UBE3C: variants seen among roughly 807,000 people sequenced by gnomAD.
UBE3C encodes the protein ubiquitin protein ligase E3C, also known as ubiquitin-protein ligase E3C.
Under a neutral mutation model 129.4 loss-of-function variants are expected in UBE3C, and 42 were observed. That is an observed-to-expected ratio of 0.32 (90% confidence interval 0.25 to 0.42). UBE3C has a LOEUF of 0.42. Among genes scored for constraint, UBE3C ranks in the 10% least tolerant of loss-of-function variants. UBE3C has a pLI of 1.00. For missense variants in UBE3C, 1,049 were observed against 1,319.1 expected (o/e 0.80, Z 3.17); for synonymous variants, 510 against 492.4 (o/e 1.04, Z -0.47).
intron 10 of UBE3C, among the ~76,000 whole-genome samples, chr7:157,199,529 G>C (rs1031312073): frequency 1.3e-5 from 2 of 151,904 alleles, no homozygotes; most frequent in Non-Finnish European, 2.9e-5. Flanking sequence ...GGAGTGTAAT[G>C]GTGTGATCTC....
rs1348951640 is a variant in UBE3C, at chr7:157,139,249, C to T, written c.-24C>T. ...CCGGCTGCTTCCGCGGCGGCGCTGC[C>T]CGCACATGGGCTAGGCTGCCAGGAT... On this transcript the variant is annotated 5_prime_UTR_variant, in exon 1 of 23. Coordinates refer to ENST00000348165, the MANE Select transcript of UBE3C (RefSeq NM_014671.3). 2 of 1,494,912 alleles carry T rather than the reference C, an allele frequency of 1.3e-6. No individual in the cohort carries two copies. Among genetic ancestry groups the T allele is most frequent in the Non-Finnish European group, 1.8e-6 (2 of 1,122,526 alleles). The allele number at this position is 1,494,912 out of a possible 1,614,324, so 92.6% of individuals were successfully genotyped here. A position where few individuals can be genotyped will look rare whatever the true frequency, so the allele number is the denominator to read the frequency against.
intron 1 of UBE3C, among the ~76,000 whole-genome samples, chr7:157,141,050 C>G (rs1450849940): frequency 6.6e-6 from 1 of 152,106 alleles, no homozygotes; most frequent in Non-Finnish European, 1.5e-5. Flanking sequence ...GCCCTAATTG[C>G]GGCAGAGGGG....
intron 13 of UBE3C, among the ~76,000 whole-genome samples, chr7:157,213,354 G>A (rs920020954): frequency 6.6e-6 from 1 of 152,250 alleles, no homozygotes; most frequent in Non-Finnish European, 1.5e-5. Context: ...TTGAAAACTC[G>A]ACTGGCTCCA....
chr7:157,242,930 C>T (rs975465437), intron 18 of UBE3C, among the ~76,000 whole-genome samples: 3 of 152,030 alleles, frequency 2.0e-5, no homozygotes, highest in Non-Finnish European at 4.4e-5. Flanking sequence ...TGGTGGTTGC[C>T]TCTAATTCCA....
intron 5 of UBE3C, among the ~76,000 whole-genome samples, chr7:157,176,201 G>A (rs976243796): frequency 1.3e-5 from 2 of 152,326 alleles, no homozygotes; most frequent in East Asian, 1.9e-4. Context: ...GTTCGAGGCT[G>A]CAGTGAGCTG....
intron 17 of UBE3C, among the ~76,000 whole-genome samples, chr7:157,230,402 A>AC (rs1239324172): frequency 6.6e-6 from 1 of 151,804 alleles, no homozygotes; most frequent in Non-Finnish European, 1.5e-5. Flanking sequence ...TTTGAAAAAA[A>AC]AAAAAAATTA....
intron 5 of UBE3C, 140 bp from the exon 6 acceptor site, chr7:157,178,550 C>T (rs143691260): frequency 2.4e-6 from 2 of 828,490 alleles, no homozygotes; most frequent in African/African-American, 1.7e-5. Flanking sequence ...ATTTCCCTGT[C>T]TATCTGTAAG....
chr7:157,230,326 C>T (rs1282368664), intron 17 of UBE3C, among the ~76,000 whole-genome samples: 1 of 151,790 alleles, frequency 6.6e-6, no homozygotes, highest in East Asian at 1.9e-4. Context: ...CTTCCCTGAA[C>T]CACATTGGAA....
chr7:157,202,228 G>A (rs1196007495), intron 11 of UBE3C, among the ~76,000 whole-genome samples: 3 of 152,134 alleles, frequency 2.0e-5, no homozygotes, highest in Admixed American at 6.6e-5. Context: ...TATTTGAATC[G>A]TGTAATTTAA....
chr7:157,248,782 G>A (rs1163750188), intron 19 of UBE3C, among the ~76,000 whole-genome samples: 3 of 152,182 alleles, frequency 2.0e-5, no homozygotes, highest in Middle Eastern at 3.2e-3. Flanking sequence ...CTGCTCCCAC[G>A]CATGAAGCCT....
chr7:157,219,848 A>G (rs1586698222), intron 14 of UBE3C, among the ~76,000 whole-genome samples: 1 of 151,980 alleles, frequency 6.6e-6, no homozygotes, highest in Non-Finnish European at 1.5e-5. Context: ...GCAGTGAGCC[A>G]AGATCAGGCC....
At chr7:157,212,812 G>A (rs1307346204) in intron 13 of UBE3C, among the ~76,000 whole-genome samples, 4 of 152,076 alleles carry the variant, frequency 2.6e-5, no homozygotes, top group Admixed American at 6.5e-5. Context: ...GCCCAAGCTG[G>A]AGTACAGTGG....
At chr7:157,263,989 CA>C (rs1265485235) in intron 22 of UBE3C, among the ~76,000 whole-genome samples, 4 of 151,958 alleles carry the variant, frequency 2.6e-5, no homozygotes, top group African/African-American at 9.7e-5. Context: ...CCCAGGCTGT[CA>C]GAAACTCCTG....
rs1270605371 is a variant in UBE3C, at chr7:157,207,875, T to C, written c.1749T>C (p.Thr583=). The C allele has an allele frequency of 6.2e-7, 1 of 1,613,432 alleles. No homozygotes were observed. Among genetic ancestry groups the C allele is most frequent in the South Asian group, 1.1e-5 (1 of 90,920 alleles). Residue 583 remains threonine, a synonymous_variant, in exon 13 of 23, where the codon ACT becomes ACC. Transcript: ENST00000348165. ...ITAFQSIGVT[T]SSEMQQCIQM... is the part of the protein sequence containing the mutation. ...CATTTCAGAGTATTGGAGTTACTAC[T>C]AGCTCTGAAATGCAACAATGCATAC...
intron 5 of UBE3C, among the ~76,000 whole-genome samples, chr7:157,177,227 A>G (rs925154564): frequency 6.6e-6 from 1 of 152,104 alleles, no homozygotes; most frequent in Non-Finnish European, 1.5e-5. Context: ...TTGTGATTGG[A>G]ATTTGTATTT....
chr7:157,193,802 A>G (rs749081308), intron 10 of UBE3C, among the ~76,000 whole-genome samples: 1 of 152,164 alleles, frequency 6.6e-6, no homozygotes, highest in Non-Finnish European at 1.5e-5. Context: ...ATGATTACAA[A>G]TTTAAGATGA....
At chr7:157,187,968 GACAAA>G (rs1325993424) in intron 10 of UBE3C, among the ~76,000 whole-genome samples, 1 of 152,148 alleles carries the variant, frequency 6.6e-6, no homozygotes, top group Non-Finnish European at 1.5e-5. Flanking sequence ...TTTTGGTTCA[GACAAA>G]ACAAAACCTG....
chr7:157,257,338 C>A (rs572587519), intron 22 of UBE3C, among the ~76,000 whole-genome samples: 50 of 152,228 alleles, frequency 3.3e-4, no homozygotes, highest in Admixed American at 9.2e-4. Flanking sequence ...AATAATGTCT[C>A]ATAAATCTGT....
rs200949444 is a variant in UBE3C, at chr7:157,225,522, A to G, written c.2216A>G (p.Lys739Arg). 10 of 1,587,722 alleles carry G rather than the reference A, an allele frequency of 6.3e-6. No homozygotes were observed. Among genetic ancestry groups the G allele is most frequent in the Non-Finnish European group, 7.7e-6 (9 of 1,172,852 alleles). The change falls in exon 17 of 23, where the codon AAA becomes AGA. Residue 739 changes from lysine (K) to arginine (R), a missense_variant. By Grantham distance (26) the Lys-to-Arg change is conservative. Around this residue, in one of 4 missense-constraint regions of UBE3C, gnomAD observed 314 missense variants for 416.9 expected, o/e 0.75. Transcript: ENST00000348165. ...TACATTTATGAAGATGCTTATGACA[A>G]ACTTTCTCCAGAAAATGGTATATAT... ...RNYIYEDAYD[K>R]LSPENEPDLK...
Sources: gnomAD v4.1 joint callset for allele counts (sites outside exome capture counted in the v4.1 genomes callset) on GRCh38, gnomAD v4.1.1 for gene constraint, gnomAD v4.1.1 regional missense constraint, MANE v1.5 for transcripts, NCBI Gene and HGNC (gene_info 2026-07-23, HGNC 2026-07-21) for gene names.